MMRN1: variants seen among roughly 807,000 people sequenced by gnomAD.
MMRN1 encodes the protein multimerin-1.
MMRN1 carries 94 observed loss-of-function variants against 100.7 expected under a neutral mutation model. The ratio of observed to expected loss-of-function variants is 0.93; its 90% CI spans 0.79 to 1.11. MMRN1 has a LOEUF of 1.11. Ranked by LOEUF, MMRN1 falls within the 50% of genes least tolerant of loss-of-function variation. The pLI is 0.00. For missense variants in MMRN1, 1,606 were observed against 1,439.1 expected (o/e 1.12, Z -1.88); for synonymous variants, 575 against 505.0 (o/e 1.14, Z -1.86).
chr4:89,903,500 C>G (rs1268753039), intron 1 of MMRN1, among the ~76,000 whole-genome samples: 1 of 151,158 alleles, frequency 6.6e-6, no homozygotes, highest in Admixed American at 6.6e-5. Flanking sequence ...ATTAAAGAAG[C>G]AAAACAGGAG....
At chr4:89,890,876 T>C (rs928473375), upstream of MMRN1, among the ~76,000 whole-genome samples, 4 of 151,616 alleles carry the variant, frequency 2.6e-5, no homozygotes, top group Non-Finnish European at 5.9e-5. Flanking sequence ...AATATGTTGT[T>C]TTTTTTTCCT....
At chr4:89,886,923 C>T (rs1318969138) in intron 1 of MMRN1, among the ~76,000 whole-genome samples, 1 of 151,934 alleles carries the variant, frequency 6.6e-6, no homozygotes, top group East Asian at 1.9e-4. Context: ...CTATAGTCAC[C>T]CTATTGTGCT....
Position 89,935,140 on chromosome 4 carries a change from A to G in MMRN1, c.1460A>G (p.His487Arg). The G allele has an allele frequency of 6.2e-7, 1 of 1,613,580 alleles. No individual in the cohort carries two copies. The highest frequency in any genetic ancestry group is 1.7e-4 in the Middle Eastern group (1 of 6,054). The change falls in exon 6 of 8, where the codon CAT (histidine) becomes CGT (arginine). Residue 487 changes from histidine (H) to arginine (R), a missense_variant. By Grantham distance (29) the His-to-Arg change is conservative (BLOSUM62 0). Coordinates refer to ENST00000264790, the MANE Select transcript of MMRN1 (RefSeq NM_007351.3). ...AAAGAACTAGAAGTAAAGCAGACTC[A>G]TTTAGAAGGTGCTCTAGAACAGGAA... ...PIKELEVKQTHLEGALEQEHS... is the reference protein window; with the variant it reads ...PIKELEVKQTRLEGALEQEHS...
At chr4:89,885,761 A>T (rs1720921912) in intron 1 of MMRN1, among the ~76,000 whole-genome samples, 1 of 152,014 alleles carries the variant, frequency 6.6e-6, no homozygotes, top group Admixed American at 6.6e-5. Flanking sequence ...TCTAACAGTT[A>T]CTATCTCTTC....
intron 1 of MMRN1, among the ~76,000 whole-genome samples, chr4:89,886,995 C>G (rs1352785683): frequency 1.3e-5 from 2 of 152,108 alleles, no homozygotes; most frequent in African/African-American, 4.8e-5. Context: ...ACCAACCTTT[C>G]TTTATCCCCT....
Position 89,895,350 on chromosome 4 carries a change from C to G in MMRN1, c.379C>G (p.Pro127Ala). Residue 127 changes from proline to alanine, a missense_variant, in exon 1 of 8, where the codon CCT becomes GCT. Pro to Ala is a conservative substitution (Grantham distance 27). Coordinates refer to ENST00000264790, the MANE Select transcript of MMRN1 (RefSeq NM_007351.3). Reference protein sequence around the residue: ...LPTNASIKFNPGAESVVLSNS... With the variant: ...LPTNASIKFNAGAESVVLSNS... ...AACCAACGCTAGCATCAAGTTCAAT[C>G]CTGGAGCAGAATCAGTGGTCCTTTC... 1 of 1,613,942 alleles carries G rather than the reference C, an allele frequency of 6.2e-7. No individual in the cohort carries two copies. The highest frequency in any genetic ancestry group is 1.3e-5 in the African/African-American group (1 of 75,020).
rs1222647958 is a variant in MMRN1, at chr4:89,938,495, A to G, written c.3118+1697A>G. ...TTTAAACATATATATATATATATAT[A>G]TATATATATATATATATTTAAAATA... On this transcript the variant is annotated intron_variant, in intron 6 of 7. Coordinates refer to ENST00000264790, the MANE Select transcript of MMRN1 (RefSeq NM_007351.3). Among the ~76,000 whole-genome samples, 3 of 92,906 alleles carry G rather than the reference A, an allele frequency of 3.2e-5. No individual in the cohort carries two copies. The East Asian group carries it at 8.8e-4, about 27-fold the overall frequency. The allele number at this position is 92,906 out of a possible 152,430, so 60.9% of individuals were successfully genotyped here.
intron 4 of MMRN1, 87 bp downstream of exon 4, chr4:89,923,359 T>C: frequency 1.7e-6 from 2 of 1,169,234 alleles, no homozygotes; most frequent in Non-Finnish European, 2.5e-6. Context: ...CTCTTAGTTG[T>C]CAAATGATTG....
At chr4:89,951,843 C>T (rs1378139282) in intron 7 of MMRN1, 92 bp downstream of exon 7, 1 of 1,394,038 alleles carries the variant, frequency 7.2e-7, no homozygotes, top group Non-Finnish European at 9.8e-7. Context: ...TTTAAGCCTG[C>T]TTAATCTGGA....
chr4:89,906,297 A>G (rs1324010594), intron 1 of MMRN1, among the ~76,000 whole-genome samples: 2 of 151,606 alleles, frequency 1.3e-5, no homozygotes, highest in African/African-American at 2.4e-5. Flanking sequence ...TCTATTTTAT[A>G]TGTTCAACAA....
intron 6 of MMRN1, among the ~76,000 whole-genome samples, chr4:89,938,276 A>G (rs925888012): frequency 4.0e-5 from 6 of 151,412 alleles, no homozygotes; most frequent in South Asian, 2.1e-4. Flanking sequence ...AGAAGAAACT[A>G]TTTAGACGTA....
intron 1 of MMRN1, among the ~76,000 whole-genome samples, chr4:89,886,188 G>A (rs1258021649): frequency 1.3e-5 from 2 of 151,532 alleles, no homozygotes; most frequent in Admixed American, 6.6e-5. Flanking sequence ...ACTGTGCCTG[G>A]CCCCTTTCTT....
rs758736251 is a variant in MMRN1 at position 89,935,442 on chromosome 4, C to G, written c.1762C>G (p.Leu588Val). ...CTCTTTGGAGATGGAGAAAGAGTCTCTCAGAGGTGAATGTGAAGACATGTT... is the reference window on the plus strand; with the variant it reads ...CTCTTTGGAGATGGAGAAAGAGTCTGTCAGAGGTGAATGTGAAGACATGTT... ...TVSLEMEKES[L>V]RGECEDMLSK... Residue 588 changes from leucine (L) to valine (V), a missense_variant, in exon 6 of 8, where the codon CTC (leucine) becomes GTC (valine). By Grantham distance (32) the Leu-to-Val change is conservative (BLOSUM62 1). Transcript: ENST00000264790. 1 of 1,613,482 alleles carries G rather than the reference C, an allele frequency of 6.2e-7. No individual in the cohort carries two copies. Among genetic ancestry groups the G allele is most frequent in the Non-Finnish European group, 8.5e-7 (1 of 1,179,736 alleles).
chr4:89,946,887 A>G (rs1236397116), intron 6 of MMRN1, among the ~76,000 whole-genome samples: 7 of 152,168 alleles, frequency 4.6e-5, no homozygotes. Context: ...TGGAAGAACT[A>G]TTGAACTAAT....
chr4:89,935,925 A>G lies in MMRN1; in HGVS notation c.2245A>G (p.Lys749Glu), dbSNP rs1722614750. ...IDFIQDNYALKETLSTIKDNS... is the reference protein window; with the variant it reads ...IDFIQDNYALEETLSTIKDNS... The stretch of plus-strand genomic sequence containing the variant: ...TTTCATTCAAGATAACTATGCCCTA[A>G]AAGAGACTTTAAGTACTATTAAGGA... The change falls in exon 6 of 8, where the codon AAA (lysine) becomes GAA (glutamate). Residue 749 changes from lysine (K) to glutamate (E), a missense_variant. Transcript: ENST00000264790. 6.2e-7 allele frequency: 1 copy of G among 1,610,178 alleles called. No homozygotes were observed. The highest frequency in any genetic ancestry group is 2.2e-5 in the East Asian group (1 of 44,804).
At chr4:89,920,856 C>A (rs939437171) in intron 3 of MMRN1, among the ~76,000 whole-genome samples, 2 of 151,464 alleles carry the variant, frequency 1.3e-5, no homozygotes, top group Non-Finnish European at 1.5e-5. Flanking sequence ...CCCCATTCCT[C>A]AAAATAGAGC....
intron 5 of MMRN1, among the ~76,000 whole-genome samples, chr4:89,929,877 A>T (rs537106105): frequency 1.4e-4 from 22 of 152,270 alleles, no homozygotes; most frequent in Middle Eastern, 6.8e-3. Context: ...AAGGTGAAAA[A>T]CACTGCGTAA....
chr4:89,906,665 A>G (rs1721574516), intron 1 of MMRN1, among the ~76,000 whole-genome samples: 1 of 151,462 alleles, frequency 6.6e-6, no homozygotes. Flanking sequence ...TTAAACCTAC[A>G]TTTTCAGATA....
rs1375261290 is a variant in MMRN1 at position 89,885,407 on chromosome 4, T to C, written c.-249+5805T>C. Among the ~76,000 whole-genome samples, 4 of 152,098 alleles carry C rather than the reference T, an allele frequency of 2.6e-5. No individual in the cohort carries two copies. The East Asian group carries it at 7.7e-4, about 29-fold the overall frequency. ...GTTTTTCTTGAAATTTTTTTTGTAA[T>C]ATTTGGTATTAGGTTTTTGTGGCCT... On this transcript the variant is annotated intron_variant, in intron 1 of 8. Coordinates refer to the MMRN1 transcript ENST00000394980.
Sources: gnomAD v4.1 joint callset for allele counts (sites outside exome capture counted in the v4.1 genomes callset) on GRCh38, gnomAD v4.1.1 for gene constraint, MANE v1.5 for transcripts, NCBI Gene and HGNC (gene_info 2026-07-23, HGNC 2026-07-21) for gene names.